IL1RAPL2: variants seen among roughly 807,000 people sequenced by gnomAD.
The protein encoded by IL1RAPL2 is X-linked interleukin-1 receptor accessory protein-like 2.
IL1RAPL2 carries 3 observed loss-of-function variants against 44.1 expected under a neutral mutation model. That is an observed-to-expected ratio of 0.07 (90% CI 0.03 to 0.18). The LOEUF (loss-of-function observed/expected upper bound fraction) is 0.18, where lower values mean the gene tolerates loss of function less well. IL1RAPL2 is among the 10% of genes least tolerant of loss of function. The pLI, the probability that IL1RAPL2 is intolerant of heterozygous loss-of-function variation, is 1.00. For synonymous variants in IL1RAPL2, 181 were observed against 178.8 expected, an observed-to-expected ratio of 1.01 and a Z score of -0.10; for missense variants, 391 against 496.4, an observed-to-expected ratio of 0.79 and a Z score of 2.02.
At chrX:104,815,199 G>A (rs895098826) in intron 2 of IL1RAPL2, among the ~76,000 whole-genome samples, 13 of 111,492 alleles carry the variant, frequency 1.2e-4, no homozygotes, top group African/African-American at 3.9e-4. Flanking sequence ...GTTTCCTATT[G>A]CTGCTGTAAC....
intron 8 of IL1RAPL2, among the ~76,000 whole-genome samples, chrX:105,747,502 G>A (rs1378334933): frequency 6.0e-4 from 37 of 61,857 alleles, no homozygotes; most frequent in Middle Eastern, 7.2e-3. Context: ...ATGTGTGTGT[G>A]TGTGTGTGTG....
At chrX:105,742,642 G>T (rs2038510250) in intron 8 of IL1RAPL2, among the ~76,000 whole-genome samples, 1 of 110,964 alleles carries the variant, frequency 9.0e-6, no homozygotes, top group South Asian at 3.8e-4. Context: ...TTAAATATTG[G>T]AGTTCCCCAG....
intron 2 of IL1RAPL2, among the ~76,000 whole-genome samples, chrX:105,072,798 C>A (rs992299962): frequency 9.1e-6 from 1 of 110,434 alleles, no homozygotes; most frequent in Non-Finnish European, 1.9e-5. Flanking sequence ...TAGCTCCTCA[C>A]TCCCCAACAG....
At chrX:105,201,664 T>G (rs1556146608) in intron 3 of IL1RAPL2, among the ~76,000 whole-genome samples, 2 of 111,785 alleles carry the variant, frequency 1.8e-5, no homozygotes, top group African/African-American at 6.5e-5. Context: ...TCTTAGCACC[T>G]TCCACTCTCC....
chrX:105,739,464 C>T (rs1358048226), intron 7 of IL1RAPL2, among the ~76,000 whole-genome samples: 1 of 104,715 alleles, frequency 9.5e-6, no homozygotes, highest in Admixed American at 1.0e-4. Flanking sequence ...CGTCATCTAG[C>T]ATTAGGTATA....
intron 5 of IL1RAPL2, among the ~76,000 whole-genome samples, chrX:105,374,083 C>A (rs6523841): frequency 0.13 from 12,720 of 98,275 alleles, 2,242 homozygotes; most frequent in African/African-American, 0.45. Context: ...CACACCACTG[C>A]ACTTTAGACT....
chrX:104,907,046 G>A (rs1924036744), intron 2 of IL1RAPL2, among the ~76,000 whole-genome samples: 2 of 110,761 alleles, frequency 1.8e-5, no homozygotes, highest in African/African-American at 6.6e-5. Context: ...TGTATGTGTT[G>A]AGGAATTTAT....
At chrX:105,290,176 A>G (rs1413025536) in intron 5 of IL1RAPL2, among the ~76,000 whole-genome samples, 1 of 111,430 alleles carries the variant, frequency 9.0e-6, no homozygotes. Flanking sequence ...TCCTTTACAT[A>G]GAATTTACTA....
intron 1 of IL1RAPL2, among the ~76,000 whole-genome samples, chrX:104,638,491 A>G (rs918429930): frequency 9.0e-6 from 1 of 111,621 alleles, no homozygotes; most frequent in Non-Finnish European, 1.9e-5. Flanking sequence ...CAGTGTAGGC[A>G]TTTATTACTA....
chrX:105,495,774 A>G (rs912841459), intron 6 of IL1RAPL2, among the ~76,000 whole-genome samples: 1 of 110,803 alleles, frequency 9.0e-6, no homozygotes, highest in Non-Finnish European at 1.9e-5. Flanking sequence ...GTACAATTTG[A>G]AAACTGCTGT....
chrX:105,220,298 A>C, intron 3 of IL1RAPL2: 4 of 1,209,440 alleles, frequency 3.3e-6, no homozygotes, highest in Non-Finnish European at 4.5e-6. Flanking sequence ...TCAAGATAGA[A>C]CTCGGGGCCT....
At chrX:105,766,312 C>G (rs994074617) in intron 10 of IL1RAPL2, among the ~76,000 whole-genome samples, 2 of 111,593 alleles carry the variant, frequency 1.8e-5, no homozygotes, top group Non-Finnish European at 3.8e-5. Flanking sequence ...CAAACCACTT[C>G]CCTATCTCTG....
chrX:105,597,856 G>A (rs926432213), intron 6 of IL1RAPL2, among the ~76,000 whole-genome samples: 2 of 111,535 alleles, frequency 1.8e-5, no homozygotes, highest in African/African-American at 6.5e-5. Context: ...CACTGTTGCA[G>A]AAATGTAAAT....
intron 1 of IL1RAPL2, among the ~76,000 whole-genome samples, chrX:104,598,936 A>G (rs1458772956): frequency 3.6e-5 from 4 of 112,497 alleles, no homozygotes; most frequent in Non-Finnish European, 7.5e-5. Context: ...AAGACATTTA[A>G]CAAATACAGA....
chrX:105,030,153 A>T (rs1212595909), intron 2 of IL1RAPL2, among the ~76,000 whole-genome samples: 3 of 111,133 alleles, frequency 2.7e-5, no homozygotes, highest in South Asian at 3.8e-4. Flanking sequence ...TGGCCCTTTG[A>T]CAGATGAGTA....
intron 2 of IL1RAPL2, among the ~76,000 whole-genome samples, chrX:104,939,855 T>C (rs1445135208): frequency 8.9e-6 from 1 of 111,972 alleles, no homozygotes; most frequent in Non-Finnish European, 1.9e-5. Context: ...CACCGTATAT[T>C]ATCTGATTTC....
At chrX:105,311,982 G>A (rs1249493403) in intron 5 of IL1RAPL2, among the ~76,000 whole-genome samples, 5 of 111,769 alleles carry the variant, frequency 4.5e-5, no homozygotes, top group Admixed American at 1.9e-4. Context: ...GAAAATTGGC[G>A]AAAGGAGTTA....
At chrX:104,953,631 A>G (rs988429716) in intron 2 of IL1RAPL2, among the ~76,000 whole-genome samples, 1 of 111,890 alleles carries the variant, frequency 8.9e-6, no homozygotes, top group African/African-American at 3.2e-5. Flanking sequence ...TTAGTATACA[A>G]TGAACAATGA....
At chrX:105,662,598 CAAAT>C (rs898997001) in intron 6 of IL1RAPL2, among the ~76,000 whole-genome samples, 1 of 112,145 alleles carries the variant, frequency 8.9e-6, no homozygotes, top group African/African-American at 3.2e-5. Flanking sequence ...GCACTTCTAA[CAAAT>C]AGAGTAAAAC....
Sources: allele counts gnomAD v4.1 joint callset (sites outside exome capture counted in the v4.1 genomes callset), GRCh38; gene constraint gnomAD v4.1.1; transcripts MANE v1.5; gene names NCBI Gene and HGNC (gene_info 2026-07-23, HGNC 2026-07-21).